Variants in ZNF277 observed in about 807,000 individuals in gnomAD.
ZNF277 encodes the protein nuclear receptor-interacting factor 4.
In ZNF277, 55 loss-of-function variants were observed where a neutral mutation model predicts 60.7. That is an observed-to-expected ratio of 0.91 (90% CI 0.73 to 1.13). ZNF277 has a LOEUF of 1.13. Ranked by LOEUF, ZNF277 falls within the 50% of genes most tolerant of loss-of-function variation. ZNF277 has a pLI of 0.00. For synonymous variants in ZNF277, 178 were observed against 179.3 expected, an observed-to-expected ratio of 0.99 and a Z score of 0.06; for missense variants, 510 against 523.0, an observed-to-expected ratio of 0.98 and a Z score of 0.24.
chr7:112,219,350 G>C (rs1002244097), intron 1 of ZNF277, among the ~76,000 whole-genome samples: 1 of 152,052 alleles, frequency 6.6e-6, no homozygotes, highest in African/African-American at 2.4e-5. Context: ...TTACAGTTTC[G>C]GGTCTTAGGT....
At chr7:112,261,172 T>C (rs1180167595) in intron 1 of ZNF277, among the ~76,000 whole-genome samples, 2 of 152,212 alleles carry the variant, frequency 1.3e-5, no homozygotes, top group African/African-American at 4.8e-5. Context: ...CTGCGTTAGA[T>C]TCTTTTAATT....
Position 112,343,882 on chromosome 7 carries a change from C to T in ZNF277, c.*1153C>T, listed in dbSNP as rs1793489055. On this transcript the variant is annotated 3_prime_UTR_variant, in exon 12 of 12. Transcript: ENST00000361822. ...CAAAAGTTGCAGTGAGCCGAGATCA[C>T]ACCACTGCAGTTCAGCCTGGGCAAC... Among the ~76,000 whole-genome samples the T allele has an allele frequency of 1.3e-5, 2 of 149,678 alleles. No homozygotes were observed. Among genetic ancestry groups the T allele is most frequent in the Admixed American group, 6.7e-5 (1 of 14,998 alleles).
In ZNF277 at chr7:112,273,743, G is replaced by A. The variant is rs139179193; in HGVS notation, c.92-13130G>A. ...TGCACTCCAACCTCGGCAACAGAGCGAGACTCCGTCTAAAAAAAAATGTGG... is the reference window on the plus strand; with the variant it reads ...TGCACTCCAACCTCGGCAACAGAGCAAGACTCCGTCTAAAAAAAAATGTGG... On this transcript the variant is annotated intron_variant, in intron 1 of 11. Coordinates refer to ENST00000361822, the MANE Select transcript of ZNF277 (RefSeq NM_021994.3). Among the ~76,000 whole-genome samples the A allele has an allele frequency of 2.7e-3, 415 of 152,198 alleles. 2 individuals carry two copies. The highest frequency in any genetic ancestry group is 9.5e-3 in the African/African-American group (394 of 41,510).
chr7:112,324,851 C>T (rs745551981), intron 5 of ZNF277, among the ~76,000 whole-genome samples: 2 of 152,072 alleles, frequency 1.3e-5, no homozygotes, highest in Non-Finnish European at 2.9e-5. Context: ...TTCAAGAAAG[C>T]CAGTGGTAAA....
chr7:112,311,102 T>A (rs534233101), intron 4 of ZNF277, among the ~76,000 whole-genome samples: 1 of 152,128 alleles, frequency 6.6e-6, no homozygotes, highest in African/African-American at 2.4e-5. Flanking sequence ...CTTTCATAAA[T>A]TGACTGGTTT....
At chr7:112,284,950 A>C (rs1010886170) in intron 1 of ZNF277, among the ~76,000 whole-genome samples, 1 of 152,214 alleles carries the variant, frequency 6.6e-6, no homozygotes, top group African/African-American at 2.4e-5. Flanking sequence ...ACATCATGCA[A>C]CATCGAACAT....
chr7:112,328,767 G>T (rs941691763), intron 6 of ZNF277, among the ~76,000 whole-genome samples: 26 of 152,152 alleles, frequency 1.7e-4, no homozygotes, highest in African/African-American at 6.0e-4. Context: ...CTACTCAGGA[G>T]GCTGAGGCAG....
At chr7:112,296,594 G>C (rs1792339827) in intron 4 of ZNF277, among the ~76,000 whole-genome samples, 1 of 151,848 alleles carries the variant, frequency 6.6e-6, no homozygotes, top group African/African-American at 2.4e-5. Flanking sequence ...TGTAATTTTA[G>C]CTGCCTGACA....
chr7:112,290,390 G>C (rs762552051), intron 2 of ZNF277, among the ~76,000 whole-genome samples: 1 of 152,046 alleles, frequency 6.6e-6, no homozygotes, highest in Non-Finnish European at 1.5e-5. Context: ...ATATGCATAC[G>C]TGGGCAGAAA....
At chr7:112,277,077 A>ATT (rs59902516) in intron 1 of ZNF277, among the ~76,000 whole-genome samples, 10,156 of 104,230 alleles carry the variant, frequency 0.097, 1,221 homozygotes, top group African/African-American at 0.24. Flanking sequence ...GAATCTGTTG[A>ATT]TTTTTTTTTT....
At chr7:112,326,379 AACACAC>A (rs367941891) in intron 5 of ZNF277, among the ~76,000 whole-genome samples, 1 of 151,564 alleles carries the variant, frequency 6.6e-6, no homozygotes, top group Admixed American at 6.6e-5. Flanking sequence ...CCCACCCCAA[AACACAC>A]ACACACACCT....
intron 1 of ZNF277, among the ~76,000 whole-genome samples, chr7:112,230,235 T>C (rs1822287105): frequency 6.6e-6 from 1 of 152,206 alleles, no homozygotes; most frequent in South Asian, 2.1e-4. Flanking sequence ...GAGACCAGCC[T>C]GGCCAACATG....
chr7:112,289,251 C>T (rs1438139855), intron 2 of ZNF277, among the ~76,000 whole-genome samples: 2 of 152,022 alleles, frequency 1.3e-5, no homozygotes, highest in Non-Finnish European at 2.9e-5. Context: ...GCCAGCATAC[C>T]CACAGGGGTA....
chr7:112,342,269 T>C (rs1039469096), intron 11 of ZNF277, among the ~76,000 whole-genome samples: 4 of 152,088 alleles, frequency 2.6e-5, no homozygotes, highest in Non-Finnish European at 5.9e-5. Context: ...TCATGATAGA[T>C]GATCAAGCAG....
At chr7:112,224,201 T>A (rs1822111533) in intron 1 of ZNF277, among the ~76,000 whole-genome samples, 1 of 152,168 alleles carries the variant, frequency 6.6e-6, no homozygotes, top group African/African-American at 2.4e-5. Context: ...AGAGCAGGGG[T>A]GTCCTATCTT....
In ZNF277 at chr7:112,339,819, C is replaced by T. The variant is rs756389007; in HGVS notation, c.967-24C>T. 6.2e-6 allele frequency: 10 copies of T among 1,602,544 alleles called. No individual in the cohort carries two copies. In the South Asian group the frequency reaches 6.6e-5, roughly 11 times the overall value. ...AAAGATTAAATAATTCATATGCTTA[C>T]AGATGTATTCATTCCTTTTTTAGGA... On this transcript the variant is annotated intron_variant, in intron 9 of 11. Transcript: ENST00000361822.
rs1401409176 is a variant in ZNF277 at position 112,300,885 on chromosome 7, G to T, written c.465+4574G>T. Among the ~76,000 whole-genome samples the T allele has an allele frequency of 2.6e-5, 4 of 151,800 alleles. No homozygotes were observed. The South Asian group carries it at 8.3e-4, about 32-fold the overall frequency. ...TCTCACCCCTATATCTAAGTCATTT[G>T]TCAAATCCTACCAGGTCCAGCTGAG... On this transcript the variant is annotated intron_variant, in intron 4 of 11. Transcript: ENST00000361822.
intron 1 of ZNF277, among the ~76,000 whole-genome samples, chr7:112,273,973 C>G (rs1791737437): frequency 6.6e-6 from 1 of 151,490 alleles, no homozygotes; most frequent in South Asian, 2.1e-4. Context: ...AACTAAAAGA[C>G]AATTTATTAG....
chr7:112,257,717 C>G (rs533777273), intron 1 of ZNF277, among the ~76,000 whole-genome samples: 20 of 152,260 alleles, frequency 1.3e-4, no homozygotes, highest in Admixed American at 2.6e-4. Flanking sequence ...TCTAAGGAAG[C>G]AGCCATTTAG....
Sources: gnomAD v4.1 joint callset for allele counts (sites outside exome capture counted in the v4.1 genomes callset) on GRCh38, gnomAD v4.1.1 for gene constraint, MANE v1.5 for transcripts, NCBI Gene and HGNC (gene_info 2026-07-23, HGNC 2026-07-21) for gene names.